The following MAP4K4 variants were observed in gnomAD, a reference collection of about 807,000 sequenced individuals.
MAP4K4 encodes the protein mitogen-activated protein kinase kinase kinase kinase 4, also known as HPK/GCK-like kinase HGK.
Under a neutral mutation model 189.6 loss-of-function variants are expected in MAP4K4, and 38 were observed. The observed-to-expected ratio is 0.20, with a 90% confidence interval of 0.15 to 0.26. MAP4K4 has a LOEUF of 0.26. Ranked by LOEUF, MAP4K4 falls within the 10% of genes least tolerant of loss-of-function variation. MAP4K4 has a pLI of 1.00. For missense variants in MAP4K4, 1,054 were observed against 1,726.9 expected, an observed-to-expected ratio of 0.61 and a Z score of 6.91; for synonymous variants, 610 against 624.3, an observed-to-expected ratio of 0.98 and a Z score of 0.34.
intron 2 of MAP4K4, among the ~76,000 whole-genome samples, chr2:101,754,259 G>A (rs966260678): frequency 6.6e-6 from 1 of 151,664 alleles, no homozygotes; most frequent in Admixed American, 6.6e-5. Context: ...GCCAACTCTG[G>A]GAAATCACTT....
intron 2 of MAP4K4, among the ~76,000 whole-genome samples, chr2:101,713,906 T>C (rs922606293): frequency 6.6e-6 from 1 of 151,930 alleles, no homozygotes; most frequent in Non-Finnish European, 1.5e-5. Context: ...AAAAAAAATT[T>C]TCTAATTTCC....
chr2:101,850,541 T>C (rs1178621615), intron 12 of MAP4K4, among the ~76,000 whole-genome samples: 1 of 152,212 alleles, frequency 6.6e-6, no homozygotes, highest in Non-Finnish European at 1.5e-5. Flanking sequence ...GTCTTTGTTT[T>C]GCAAGCCATT....
chr2:101,811,626 G>A (rs1169125285), intron 3 of MAP4K4, among the ~76,000 whole-genome samples: 1 of 151,968 alleles, frequency 6.6e-6, no homozygotes, highest in Admixed American at 6.6e-5. Context: ...TCTCTTTGAC[G>A]AGCCATCTCT....
chr2:101,738,945 C>T (rs1331602919), intron 2 of MAP4K4, among the ~76,000 whole-genome samples: 1 of 152,064 alleles, frequency 6.6e-6, no homozygotes, highest in African/African-American at 2.4e-5. Flanking sequence ...AAACAGCATT[C>T]ATAAAGTGAC....
exon 10 of MAP4K4, chr2:101,839,868 A>G (rs2096866667): frequency 3.1e-6 from 5 of 1,609,826 alleles, no homozygotes; most frequent in East Asian, 4.5e-5. Flanking sequence ...GAAGAATTAC[A>G]TGCAGCGGCC....
intron 2 of MAP4K4, among the ~76,000 whole-genome samples, chr2:101,788,370 C>A (rs2092111638): frequency 6.6e-6 from 1 of 152,186 alleles, no homozygotes; most frequent in South Asian, 2.1e-4. Flanking sequence ...CTGCCGGACT[C>A]TAGAACGGGG....
chr2:101,872,319 CAAGA>C (rs2098063045), intron 24 of MAP4K4, among the ~76,000 whole-genome samples: 2 of 152,102 alleles, frequency 1.3e-5, no homozygotes, highest in Non-Finnish European at 2.9e-5. Context: ...GGATGTTAAG[CAAGA>C]AGGACAAAGG....
chr2:101,853,573 A>T (rs1310513149), intron 12 of MAP4K4, among the ~76,000 whole-genome samples: 1 of 152,204 alleles, frequency 6.6e-6, no homozygotes, highest in Non-Finnish European at 1.5e-5. Context: ...GGAAGTGAAT[A>T]CTACAGAAAG....
At chr2:101,880,511 ATTT>A (rs542768415) in intron 27 of MAP4K4, among the ~76,000 whole-genome samples, 5 of 137,368 alleles carry the variant, frequency 3.6e-5, no homozygotes, top group Admixed American at 7.3e-5. Flanking sequence ...GTATAGTTCT[ATTT>A]TTTTTTTTTT....
At chr2:101,856,227 T>G in intron 13 of MAP4K4, 89 bp downstream of exon 13, 3 of 1,268,706 alleles carry the variant, frequency 2.4e-6, no homozygotes, top group Non-Finnish European at 3.3e-6. Context: ...TACACACATG[T>G]GATGCATACA....
At chr2:101,847,560 A>G (rs1449284257) in intron 12 of MAP4K4, among the ~76,000 whole-genome samples, 13 of 152,222 alleles carry the variant, frequency 8.5e-5, no homozygotes, top group Non-Finnish European at 1.5e-4. Context: ...ACTTTTTAAC[A>G]AAAACATTTT....
At chr2:101,787,848 G>C (rs889666233) in intron 2 of MAP4K4, among the ~76,000 whole-genome samples, 4 of 141,140 alleles carry the variant, frequency 2.8e-5, no homozygotes, top group African/African-American at 5.4e-5. Flanking sequence ...CTGTCACCCA[G>C]GCTGGAGTGC....
intron 26 of MAP4K4, among the ~76,000 whole-genome samples, chr2:101,875,149 T>C (rs2098163776): frequency 6.6e-6 from 1 of 152,178 alleles, no homozygotes; most frequent in Non-Finnish European, 1.5e-5. Flanking sequence ...TCAATAAATA[T>C]CTGTCTTTTC....
chr2:101,723,137 C>T (rs543080926), intron 2 of MAP4K4, among the ~76,000 whole-genome samples: 5 of 152,270 alleles, frequency 3.3e-5, no homozygotes, highest in South Asian at 4.1e-4. Context: ...CTCACTATCA[C>T]GAGAACAGCA....
chr2:101,886,366 A>G (rs2098481436), intron 29 of MAP4K4, among the ~76,000 whole-genome samples: 1 of 133,794 alleles, frequency 7.5e-6, no homozygotes, highest in Admixed American at 7.4e-5. Context: ...ATTTTAGTCT[A>G]GTCAGAAAAT....
chr2:101,876,111 G>T (rs1287880283), intron 26 of MAP4K4, among the ~76,000 whole-genome samples: 3 of 152,158 alleles, frequency 2.0e-5, no homozygotes, highest in East Asian at 3.9e-4. Context: ...TAGCTAGTTT[G>T]GCAGAGCAGC....
intron 2 of MAP4K4, among the ~76,000 whole-genome samples, chr2:101,764,213 T>G (rs2077628358): frequency 6.6e-6 from 1 of 152,170 alleles, no homozygotes; most frequent in African/African-American, 2.4e-5. Context: ...TTTTATAAAA[T>G]ATGAGTGTCA....
intron 2 of MAP4K4, among the ~76,000 whole-genome samples, chr2:101,761,550 CTTTTT>C (rs1006689878): frequency 7.9e-6 from 1 of 127,014 alleles, no homozygotes; most frequent in Non-Finnish European, 1.7e-5. Flanking sequence ...TGGGAGCATT[CTTTTT>C]TTTTTTTTTT....
intron 2 of MAP4K4, among the ~76,000 whole-genome samples, chr2:101,715,558 A>G (rs1175847485): frequency 1.3e-5 from 2 of 152,186 alleles, no homozygotes; most frequent in South Asian, 4.1e-4. Context: ...GAATGTTCAT[A>G]TTATATTTCA....
Sources: allele counts gnomAD v4.1 joint callset (sites outside exome capture counted in the v4.1 genomes callset), GRCh38; gene constraint gnomAD v4.1.1; transcripts MANE v1.5; gene names NCBI Gene and HGNC (gene_info 2026-07-23, HGNC 2026-07-21).